The following CTNNA3 variants were observed in gnomAD, a reference collection of about 807,000 sequenced individuals.
CTNNA3 encodes catenin alpha-3.
Under a neutral mutation model 95.7 loss-of-function variants are expected in CTNNA3, and 76 were observed. The ratio of observed to expected loss-of-function variants is 0.79; its 90% CI spans 0.66 to 0.96. The LOEUF (loss-of-function observed/expected upper bound fraction) is 0.96, where lower values mean the gene tolerates loss of function less well. Among genes scored for constraint, CTNNA3 ranks in the 40% least tolerant of loss-of-function variants. The probability of loss-of-function intolerance (pLI) is 0.00; values close to 1 mark genes in which losing one functional copy is unlikely to be tolerated. For synonymous variants in CTNNA3, 431 were observed against 374.4 expected (o/e 1.15, Z -1.74); for missense variants, 1,191 against 1,089.8 (o/e 1.09, Z -1.31).
intron 7 of CTNNA3, among the ~76,000 whole-genome samples, chr10:67,119,878 AG>A (rs775293516): frequency 1.3e-5 from 2 of 151,956 alleles, no homozygotes; most frequent in Non-Finnish European, 2.9e-5. Flanking sequence ...AAATACTGCA[AG>A]TATTTCCTGC....
At chr10:67,228,847 A>AT (rs1865059547) in intron 5 of CTNNA3, among the ~76,000 whole-genome samples, 1 of 152,196 alleles carries the variant, frequency 6.6e-6, no homozygotes, top group African/African-American at 2.4e-5. Context: ...TACCAACAAA[A>AT]AAATCCAGGA....
intron 7 of CTNNA3, among the ~76,000 whole-genome samples, chr10:67,059,745 T>C (rs184828143): frequency 6.6e-6 from 1 of 152,270 alleles, no homozygotes; most frequent in African/African-American, 2.4e-5. Context: ...TGAAAATGCA[T>C]AATGAACTTT....
chr10:67,325,161 T>G (rs1233339937), intron 5 of CTNNA3, among the ~76,000 whole-genome samples: 1 of 149,392 alleles, frequency 6.7e-6, no homozygotes, highest in Non-Finnish European at 1.5e-5. Flanking sequence ...GTGGTCTATT[T>G]TATTAATTTT....
chr10:66,492,104 A>C (rs10997186), intron 11 of CTNNA3, among the ~76,000 whole-genome samples: 12,453 of 152,028 alleles, frequency 0.082, 1,203 homozygotes, highest in East Asian at 0.32. Context: ...ACAAACTCCC[A>C]TTTCCTACTT....
chr10:67,341,997 T>C (rs1212133695), intron 5 of CTNNA3, among the ~76,000 whole-genome samples: 8 of 99,534 alleles, frequency 8.0e-5, no homozygotes, highest in Non-Finnish European at 1.3e-4. Flanking sequence ...TGTCTTTTTT[T>C]TGCCTCAAAC....
chr10:67,703,947 T>C (rs1232541367), intron 1 of CTNNA3, among the ~76,000 whole-genome samples: 3 of 152,190 alleles, frequency 2.0e-5, no homozygotes, highest in African/African-American at 7.2e-5. Flanking sequence ...AGAAAATCAA[T>C]GTACAAAAAT....
At chr10:66,354,934 A>G in intron 12 of CTNNA3, among the ~76,000 whole-genome samples, 1 of 152,160 alleles carries the variant, frequency 6.6e-6, no homozygotes. Context: ...TCAAAGGATC[A>G]TCATGATCTA....
chr10:66,286,349 G>T (rs1056587434), intron 12 of CTNNA3, among the ~76,000 whole-genome samples: 1 of 151,902 alleles, frequency 6.6e-6, no homozygotes, highest in Non-Finnish European at 1.5e-5. Flanking sequence ...GTTTCTGCTA[G>T]TTAAGACTAG....
intron 5 of CTNNA3, among the ~76,000 whole-genome samples, chr10:67,223,932 CT>C (rs1250077998): frequency 1.3e-5 from 2 of 152,138 alleles, no homozygotes; most frequent in African/African-American, 2.4e-5. Flanking sequence ...GAATGTGAAT[CT>C]TTTTTCCAGC....
intron 10 of CTNNA3, among the ~76,000 whole-genome samples, chr10:66,526,959 T>C (rs758545871): frequency 7.2e-5 from 11 of 152,180 alleles, no homozygotes; most frequent in Non-Finnish European, 1.5e-4. Context: ...AGTCCAATTT[T>C]TTTTTCCATT....
intron 5 of CTNNA3, among the ~76,000 whole-genome samples, chr10:67,244,748 A>G (rs537704275): frequency 8.5e-4 from 129 of 152,316 alleles, no homozygotes; most frequent in Non-Finnish European, 1.5e-3. Flanking sequence ...ACATTTCTAA[A>G]TGTACCACGT....
chr10:66,572,228 C>CA (rs1216554821), intron 10 of CTNNA3, among the ~76,000 whole-genome samples: 2 of 151,578 alleles, frequency 1.3e-5, no homozygotes, highest in South Asian at 4.2e-4. Context: ...ACTAAAAATA[C>CA]AAAAAATAGC....
At chr10:66,026,897 A>C (rs1308611508) in intron 15 of CTNNA3, among the ~76,000 whole-genome samples, 1 of 152,150 alleles carries the variant, frequency 6.6e-6, no homozygotes, top group Non-Finnish European at 1.5e-5. Flanking sequence ...AATATTGTAA[A>C]GTTTAAACAA....
intron 15 of CTNNA3, among the ~76,000 whole-genome samples, chr10:65,996,585 G>C (rs540056386): frequency 6.6e-6 from 1 of 152,204 alleles, no homozygotes; most frequent in African/African-American, 2.4e-5. Context: ...GTGTTTGTGG[G>C]ACCCAGCATA....
intron 11 of CTNNA3, among the ~76,000 whole-genome samples, chr10:66,423,645 T>C (rs1454559562): frequency 1.3e-5 from 2 of 151,930 alleles, no homozygotes. Flanking sequence ...CAAGGTAACT[T>C]CCCCTCTGAT....
chr10:67,584,902 T>A (rs1249625018), intron 3 of CTNNA3, among the ~76,000 whole-genome samples: 1 of 152,242 alleles, frequency 6.6e-6, no homozygotes. Flanking sequence ...TGCCGTTTGC[T>A]AAGACCATTG....
chr10:66,034,976 T>C (rs917247766), intron 15 of CTNNA3, among the ~76,000 whole-genome samples: 17 of 152,344 alleles, frequency 1.1e-4, no homozygotes, highest in Admixed American at 1.1e-3. Flanking sequence ...CACTCTCTTT[T>C]GTTAAACAGC....
chr10:67,531,011 C>T (rs1358086879), intron 4 of CTNNA3, among the ~76,000 whole-genome samples: 1 of 152,176 alleles, frequency 6.6e-6, no homozygotes, highest in Non-Finnish European at 1.5e-5. Context: ...GCATGGAAGT[C>T]AAAAATTGAG....
chr10:67,693,579 T>C (rs373599431), intron 1 of CTNNA3, among the ~76,000 whole-genome samples: 1 of 152,190 alleles, frequency 6.6e-6, no homozygotes, highest in African/African-American at 2.4e-5. Flanking sequence ...TCTGTAGCTA[T>C]GGTTTTTCTC....
Sources: gnomAD v4.1 joint callset for allele counts (sites outside exome capture counted in the v4.1 genomes callset) on GRCh38, gnomAD v4.1.1 for gene constraint, MANE v1.5 for transcripts, NCBI Gene and HGNC (gene_info 2026-07-23, HGNC 2026-07-21) for gene names.